PTCH1: variants seen among roughly 807,000 people sequenced by gnomAD.
PTCH1 encodes patched 1, also known as protein patched homolog 1.
PTCH1 carries 14 observed loss-of-function variants against 144.6 expected under a neutral mutation model. The ratio of observed to expected loss-of-function variants is 0.10; its 90% confidence interval spans 0.06 to 0.15. The LOEUF (loss-of-function observed/expected upper bound fraction) is 0.15, where lower values mean the gene tolerates loss of function less well. Among genes scored for constraint, PTCH1 ranks in the 10% least tolerant of loss-of-function variants. PTCH1 has a pLI of 1.00. For synonymous variants in PTCH1, 833 were observed against 793.6 expected (o/e 1.05, Z -0.83); for missense variants, 1,623 against 1,948.3 (o/e 0.83, Z 3.14).
At chr9:95,467,508 C>A in intron 14 of PTCH1, 83 bp from the exon 15 acceptor site, 1 of 1,378,840 alleles carries the variant, frequency 7.3e-7, no homozygotes, top group Non-Finnish European at 1.0e-6. Flanking sequence ...TAGTTAATAC[C>A]TTGTTTTCAC....
Position 95,467,226 on chromosome 9 carries a change from T to C in PTCH1, c.2450A>G (p.His817Arg), listed in dbSNP as rs1564030723. ...TQKADYPNIQ[H>R]LLYDLHRSFS... ...ACTCCTGTGTAGGTCGTAAAGTAAG[T>C]GCTGGATATTCGGGTAGTCTGCTTT... Residue 817 changes from histidine to arginine, a missense_variant, in exon 15 of 24, where the codon CAC (histidine) becomes CGC (arginine). Coordinates refer to ENST00000331920, the MANE Select transcript of PTCH1 (RefSeq NM_000264.5). The C allele has an allele frequency of 3.7e-6, 6 of 1,613,242 alleles. No homozygotes were observed. Among genetic ancestry groups the C allele is most frequent in the Non-Finnish European group, 5.1e-6 (6 of 1,179,748 alleles).
chr9:95,486,673 G>C (rs1225594848), intron 2 of PTCH1, among the ~76,000 whole-genome samples: 1 of 152,258 alleles, frequency 6.6e-6, no homozygotes, highest in African/African-American at 2.4e-5. Flanking sequence ...TATGCCCAAA[G>C]CCAGCGCAGG....
chr9:95,447,592 A>G (rs1029948126), intron 22 of PTCH1, 141 bp from the exon 23 acceptor site: 51 of 877,184 alleles, frequency 5.8e-5, no homozygotes, highest in Non-Finnish European at 8.1e-5. Context: ...CCCACAAAAG[A>G]AAAGCCTGTC....
At chr9:95,494,787 A>T (rs1437048915) in intron 2 of PTCH1, 2 of 152,328 alleles carry the variant, frequency 1.3e-5, no homozygotes, top group Non-Finnish European at 2.9e-5. Context: ...ATAGAAACAG[A>T]AAGAAACCCA....
chr9:95,464,469 G>A (rs1405977144), intron 15 of PTCH1, among the ~76,000 whole-genome samples: 1 of 152,102 alleles, frequency 6.6e-6, no homozygotes, highest in African/African-American at 2.4e-5. Flanking sequence ...AAAGTTCTAG[G>A]CCAAAGGAAT....
chr9:95,509,471 C>T (rs1458131781), upstream of PTCH1, among the ~76,000 whole-genome samples: 2 of 152,168 alleles, frequency 1.3e-5, no homozygotes, highest in African/African-American at 4.8e-5. Flanking sequence ...TCCTCGGCTT[C>T]GGGGCAGCCT....
chr9:95,471,296 T>C (rs1219637192), intron 12 of PTCH1, among the ~76,000 whole-genome samples: 2 of 152,148 alleles, frequency 1.3e-5, no homozygotes, highest in Non-Finnish European at 1.5e-5. Context: ...CAAGCCTGAG[T>C]TCCGGAGAGA....
chr9:95,490,376 GA>G (rs1842296941), intron 2 of PTCH1, among the ~76,000 whole-genome samples: 1 of 151,974 alleles, frequency 6.6e-6, no homozygotes. Context: ...AGCTACTTCA[GA>G]GGCTGAAGTG....
chr9:95,476,961 G>T lies in PTCH1; in HGVS notation c.1504-104C>A. The T allele has an allele frequency of 1.9e-6, 2 of 1,080,056 alleles. No homozygotes were observed. Among genetic ancestry groups the T allele is most frequent in the Non-Finnish European group, 2.8e-6 (2 of 715,778 alleles). 66.9% of individuals were successfully genotyped at this position (1,080,056 alleles called of 1,614,324 possible). A position where few individuals can be genotyped will look rare whatever the true frequency, so the allele number is the denominator to read the frequency against. On this transcript the variant is annotated intron_variant, in intron 10 of 23. Coordinates refer to ENST00000331920, the MANE Select transcript of PTCH1 (RefSeq NM_000264.5). This position sits in a 1 kb window ranked among gnomAD's most constrained non-coding sequence, Gnocchi z 4.6. ...CCACCAGCACCTAACAGCTCCTGAA[G>T]CAGGGCTTCCGTAACCTCATGGTGA... is the stretch of plus-strand genomic sequence containing the variant.
chr9:95,464,593 C>T (rs745747151), intron 15 of PTCH1, among the ~76,000 whole-genome samples: 18 of 152,028 alleles, frequency 1.2e-4, no homozygotes, highest in Non-Finnish European at 1.8e-4. Flanking sequence ...GTACATGACT[C>T]GAGGCATGGT....
At chr9:95,507,845 G>T (rs574810677) in intron 1 of PTCH1, 14 of 1,055,068 alleles carry the variant, frequency 1.3e-5, no homozygotes, top group Non-Finnish European at 1.7e-5. Flanking sequence ...CCCTTGAGGT[G>T]GTCCGCCGTG....
chr9:95,511,929 C>T (rs1054821778), upstream of PTCH1, among the ~76,000 whole-genome samples: 3 of 152,158 alleles, frequency 2.0e-5, no homozygotes, highest in Non-Finnish European at 4.4e-5. Flanking sequence ...GCCAAAGACA[C>T]GTTGCTATGT....
intron 2 of PTCH1, among the ~76,000 whole-genome samples, chr9:95,504,761 C>A (rs1394746042): frequency 6.6e-6 from 1 of 152,160 alleles, no homozygotes; most frequent in African/African-American, 2.4e-5. Flanking sequence ...CCCCCCACCC[C>A]CTACCACCCT....
intron 18 of PTCH1, 124 bp from the exon 19 acceptor site, chr9:95,456,537 CT>C: frequency 3.0e-6 from 4 of 1,326,294 alleles, no homozygotes; most frequent in Non-Finnish European, 4.2e-6. Context: ...GACTGACTTG[CT>C]TTAACTCTGG....
At chr9:95,450,102 T>G in intron 20 of PTCH1, 162 bp from the exon 21 acceptor site, 2 of 702,676 alleles carry the variant, frequency 2.8e-6, no homozygotes. Context: ...ACAAGGTGAG[T>G]TTTTGCTTTT....
At chr9:95,474,632 A>G (rs1374179635) in intron 12 of PTCH1, among the ~76,000 whole-genome samples, 1 of 152,178 alleles carries the variant, frequency 6.6e-6, no homozygotes, top group Non-Finnish European at 1.5e-5. Flanking sequence ...GCCTCACACT[A>G]AATACTAAAG....
At chr9:95,450,255 C>A in intron 20 of PTCH1, 1 of 396,912 alleles carries the variant, frequency 2.5e-6, no homozygotes, top group South Asian at 2.3e-5. Context: ...TACACAAACA[C>A]AAAAATATGG....
At chr9:95,515,188 A>G (rs997519735) in intron 1 of PTCH1, among the ~76,000 whole-genome samples, 8 of 152,248 alleles carry the variant, frequency 5.3e-5, no homozygotes, top group African/African-American at 1.7e-4. Context: ...ACTGTCGCCA[A>G]TAAACACAGA....
Position 95,476,963 on chromosome 9 carries a change from A to T in PTCH1, c.1504-106T>A, listed in dbSNP as rs1841093103. On this transcript the variant is annotated intron_variant, in intron 10 of 23. Coordinates refer to ENST00000331920, the MANE Select transcript of PTCH1 (RefSeq NM_000264.5). This position sits in a 1 kb window ranked among gnomAD's most constrained non-coding sequence, Gnocchi z 4.6. ...ACCAGCACCTAACAGCTCCTGAAGC[A>T]GGGCTTCCGTAACCTCATGGTGAAG... 9.6e-7 allele frequency: 1 copy of T among 1,042,940 alleles called. No individual in the cohort carries two copies. Among genetic ancestry groups the T allele is most frequent in the African/African-American group, 1.6e-5 (1 of 63,362 alleles). The allele number at this position is 1,042,940 out of a possible 1,614,324, so 64.6% of individuals were successfully genotyped here. A position where few individuals can be genotyped will look rare whatever the true frequency, so the allele number is the denominator to read the frequency against.
Sources: allele counts gnomAD v4.1 joint callset (sites outside exome capture counted in the v4.1 genomes callset), GRCh38; gene constraint gnomAD v4.1.1; non-coding constraint Gnocchi (gnomAD v3.1); transcripts MANE v1.5; gene names NCBI Gene and HGNC (gene_info 2026-07-23, HGNC 2026-07-21).